Variants in NFATC2 observed in about 807,000 individuals in gnomAD.
NFATC2 encodes nuclear factor of activated T-cells, cytoplasmic 2.
In NFATC2, 22 loss-of-function variants were observed where a neutral mutation model predicts 87.3. That is an observed-to-expected ratio of 0.25 (90% confidence interval 0.18 to 0.36). NFATC2 has a LOEUF of 0.36. Among genes scored for constraint, NFATC2 ranks in the 10% least tolerant of loss-of-function variants. The pLI is 1.00. For synonymous variants in NFATC2, 565 were observed against 542.2 expected (o/e 1.04, Z -0.58); for missense variants, 1,149 against 1,259.1 (o/e 0.91, Z 1.32).
rs774678617 is a variant in NFATC2, at chr20:51,523,338, G to A, written c.903C>T (p.Ala301=). Residue 301 remains alanine (A), a synonymous_variant, in exon 2 of 11, where the codon GCC becomes GCT. Coordinates refer to ENST00000371564, the MANE Select transcript of NFATC2 (RefSeq NM_012340.5). This position sits in a 1 kb window ranked among gnomAD's most constrained non-coding sequence, Gnocchi z 6.9. ...PAGYPPVAGS[A]VIMDALNSLA... The stretch of plus-strand genomic sequence containing the variant: ...GGCTGTTCAGGGCATCCATGATCAC[G>A]GCAGAGCCAGCCACAGGGGGGTACC... 6.2e-6 allele frequency: 10 copies of A among 1,612,180 alleles called. No homozygotes were observed. The African/African-American group carries it at 1.2e-4, about 19-fold the overall frequency.
chr20:51,398,116 C>G (rs563208153), intron 10 of NFATC2, among the ~76,000 whole-genome samples: 1 of 150,798 alleles, frequency 6.6e-6, no homozygotes, highest in Admixed American at 6.6e-5. Context: ...CAGAATCCTG[C>G]GACTTCAAAA....
chr20:51,435,627 A>G, intron 7 of NFATC2, 79 bp downstream of exon 7: 1 of 1,456,582 alleles, frequency 6.9e-7, no homozygotes, highest in Non-Finnish European at 9.5e-7. Flanking sequence ...TGATGAAGGA[A>G]GGAGGGAAAG....
At chr20:51,542,262 GC>G in intron 1 of NFATC2, 107 bp downstream of exon 1, 2 of 1,370,492 alleles carry the variant, frequency 1.5e-6, no homozygotes, top group Non-Finnish European at 1.9e-6. Context: ...CTCCCTCCAG[GC>G]CCCTTAGGAA....
At chr20:51,434,481 C>A (rs2044649110) in intron 8 of NFATC2, among the ~76,000 whole-genome samples, 1 of 152,192 alleles carries the variant, frequency 6.6e-6, no homozygotes, top group South Asian at 2.1e-4. Flanking sequence ...CTTCCCCTGG[C>A]TGTTCCTGTC....
intron 3 of NFATC2, among the ~76,000 whole-genome samples, chr20:51,508,441 G>T (rs1454617096): frequency 6.6e-6 from 1 of 152,122 alleles, no homozygotes; most frequent in East Asian, 1.9e-4. Flanking sequence ...ACTGGCCCAC[G>T]GGTGTACCTG....
chr20:51,408,631 C>A (rs572529838), intron 9 of NFATC2, among the ~76,000 whole-genome samples: 2 of 151,790 alleles, frequency 1.3e-5, no homozygotes, highest in South Asian at 2.1e-4. Context: ...ACTAGTTATC[C>A]ATACAAAAAA....
chr20:51,513,133 T>C (rs1045360736), intron 3 of NFATC2, among the ~76,000 whole-genome samples: 3 of 152,246 alleles, frequency 2.0e-5, no homozygotes, highest in Non-Finnish European at 2.9e-5. Context: ...CTTTTTGTCT[T>C]TTAAAGAGAC....
chr20:51,460,097 G>A (rs1268633081), intron 5 of NFATC2, among the ~76,000 whole-genome samples: 5 of 152,212 alleles, frequency 3.3e-5, no homozygotes, highest in Admixed American at 3.3e-4. Flanking sequence ...CTCAAGACAT[G>A]ATGGTCTTTG....
chr20:51,469,488 A>T (rs749458117), intron 5 of NFATC2, among the ~76,000 whole-genome samples: 9 of 152,132 alleles, frequency 5.9e-5, no homozygotes, highest in Non-Finnish European at 1.2e-4. Context: ...GCAGTTGAGG[A>T]AGTGTAGTGG....
In NFATC2 at chr20:51,516,720, C is replaced by G. The variant is rs1600923978; in HGVS notation, c.1332+64G>C. 9 of 1,511,648 alleles carry G rather than the reference C, an allele frequency of 6.0e-6. No individual in the cohort carries two copies. In the East Asian group the frequency reaches 1.8e-4, roughly 31 times the overall value. The allele number at this position is 1,511,648 out of a possible 1,614,324, so 93.6% of individuals were successfully genotyped here. Reference sequence around the variant, plus strand: ...CCTTAACAAGCAACAAACAGTGGGTCAGCAGAAGTGAATCTCTTAGTGACA... The same window carrying G: ...CCTTAACAAGCAACAAACAGTGGGTGAGCAGAAGTGAATCTCTTAGTGACA... On this transcript the variant is annotated intron_variant, in intron 3 of 10. Transcript: ENST00000371564.
chr20:51,433,607 GA>G (rs1421601244), intron 8 of NFATC2, among the ~76,000 whole-genome samples: 1 of 152,166 alleles, frequency 6.6e-6, no homozygotes, highest in Non-Finnish European at 1.5e-5. Context: ...ACCAGTCACT[GA>G]AATCACTCCT....
chr20:51,552,563 G>A (rs943496711), intron 1 of NFATC2, among the ~76,000 whole-genome samples: 7 of 152,126 alleles, frequency 4.6e-5, no homozygotes, highest in Non-Finnish European at 8.8e-5. Context: ...GGGGATTGCA[G>A]CAAAAGGCCG....
intron 3 of NFATC2, among the ~76,000 whole-genome samples, chr20:51,487,345 G>A (rs909308923): frequency 6.6e-6 from 1 of 152,208 alleles, no homozygotes; most frequent in Non-Finnish European, 1.5e-5. Flanking sequence ...GCGGGAGCCA[G>A]GGCAGAGAGA....
intron 5 of NFATC2, 62 bp from the exon 6 acceptor site, chr20:51,454,750 T>C (rs922014239): frequency 3.4e-5 from 54 of 1,578,074 alleles, no homozygotes; most frequent in Non-Finnish European, 4.6e-5. Flanking sequence ...AAAGAGGAGG[T>C]CTGATTTCAT....
At chr20:51,518,359 C>A (rs1434791709) in intron 2 of NFATC2, among the ~76,000 whole-genome samples, 2 of 152,138 alleles carry the variant, frequency 1.3e-5, no homozygotes, top group African/African-American at 4.8e-5. Context: ...TGCAATAAAG[C>A]CAATTCTATG....
intron 9 of NFATC2, among the ~76,000 whole-genome samples, chr20:51,422,664 G>GT (rs1395915040): frequency 6.6e-6 from 1 of 150,392 alleles, no homozygotes; most frequent in Non-Finnish European, 1.5e-5. Context: ...AGTCCAGAAT[G>GT]TTACTTGAAG....
intron 9 of NFATC2, among the ~76,000 whole-genome samples, chr20:51,421,156 G>C (rs941929155): frequency 6.6e-6 from 1 of 152,002 alleles, no homozygotes; most frequent in Admixed American, 6.6e-5. Context: ...CAGGATGAAG[G>C]TGTAGAAGAA....
At chr20:51,554,016 C>G (rs1367547897) in intron 1 of NFATC2, among the ~76,000 whole-genome samples, 3 of 152,052 alleles carry the variant, frequency 2.0e-5, no homozygotes, top group Admixed American at 1.3e-4. Context: ...TTTGCAGACT[C>G]AAACATCTGT....
intron 3 of NFATC2, among the ~76,000 whole-genome samples, chr20:51,476,866 G>A (rs966888109): frequency 1.3e-5 from 2 of 152,182 alleles, no homozygotes; most frequent in African/African-American, 4.8e-5. Flanking sequence ...TGTTAGATTG[G>A]CACACATGTA....
Sources: gnomAD v4.1 joint callset for allele counts (sites outside exome capture counted in the v4.1 genomes callset) on GRCh38, gnomAD v4.1.1 for gene constraint, Gnocchi (gnomAD v3.1) non-coding constraint, MANE v1.5 for transcripts, NCBI Gene and HGNC (gene_info 2026-07-23, HGNC 2026-07-21) for gene names.